The following B3GAT2 variants were observed in gnomAD, a reference collection of about 807,000 sequenced individuals.
The protein encoded by B3GAT2 is beta-1,3-glucuronyltransferase 2, also known as galactosylgalactosylxylosylprotein 3-beta-glucuronosyltransferase 2.
A neutral mutation model predicts 27.8 loss-of-function variants in B3GAT2; 26 were observed. The ratio of observed to expected loss-of-function variants is 0.93; its 90% CI spans 0.68 to 1.30. The LOEUF (loss-of-function observed/expected upper bound fraction) is 1.30, where lower values mean the gene tolerates loss of function less well. B3GAT2 is among the 50% of genes most tolerant of loss of function. The pLI, the probability that B3GAT2 is intolerant of heterozygous loss-of-function variation, is 0.00. For missense variants in B3GAT2, 458 were observed against 459.0 expected (o/e 1.00, Z 0.02); for synonymous variants, 218 against 195.1 (o/e 1.12, Z -0.98).
chr6:70,934,085 T>G (rs935969561), intron 1 of B3GAT2, among the ~76,000 whole-genome samples: 5 of 152,198 alleles, frequency 3.3e-5, no homozygotes, highest in African/African-American at 4.8e-5. Flanking sequence ...GTCAGTTCCC[T>G]TGAGGTCATG....
intron 1 of B3GAT2, among the ~76,000 whole-genome samples, chr6:70,952,304 C>T (rs1765590123): frequency 6.6e-6 from 1 of 152,026 alleles, no homozygotes; most frequent in Admixed American, 6.6e-5. Flanking sequence ...AGTCTTATTT[C>T]ATTAACTTCA....
intron 1 of B3GAT2, among the ~76,000 whole-genome samples, chr6:70,902,667 T>C (rs2460693): frequency 0.039 from 3,908 of 99,816 alleles, 95 homozygotes; most frequent in African/African-American, 0.09. Context: ...CACACACACA[T>C]ATATATATAT....
Position 70,956,416 on chromosome 6 carries a change from A to T in B3GAT2, c.14T>A (p.Leu5His). 6.4e-7 allele frequency: 1 copy of T among 1,551,536 alleles called. No individual in the cohort carries two copies. The highest frequency in any genetic ancestry group is 1.2e-5 in the South Asian group (1 of 84,100). MKSA[L>H]FTRFFILLPW... ...CAGGAGGATAAAGAAGCGGGTGAAAAGCGCGGACTTCATGGTGCACGCTCC... is the reference window on the plus strand; with the variant it reads ...CAGGAGGATAAAGAAGCGGGTGAAATGCGCGGACTTCATGGTGCACGCTCC... Residue 5 changes from leucine to histidine, a missense_variant, in exon 1 of 4, where the codon CTT becomes CAT. Physicochemically the swap from Leu to His is moderately conservative, Grantham distance 99 (BLOSUM62 -3). Transcript: ENST00000230053.
At chr6:70,915,029 A>C (rs1238792293) in intron 1 of B3GAT2, among the ~76,000 whole-genome samples, 1 of 152,214 alleles carries the variant, frequency 6.6e-6, no homozygotes. Flanking sequence ...CCAACAGTGT[A>C]AAAGTGTTCC....
chr6:70,931,882 T>A (rs1773068692), intron 1 of B3GAT2, among the ~76,000 whole-genome samples: 1 of 152,140 alleles, frequency 6.6e-6, no homozygotes, highest in South Asian at 2.1e-4. Context: ...ACATATCTGA[T>A]AAGTGACTAA....
rs56888511 is a variant in B3GAT2 at position 70,921,674 on chromosome 6, T to C, written c.592-27402A>G. On this transcript the variant is annotated intron_variant, in intron 1 of 3. Transcript: ENST00000230053. ...GGAGGTAAGAAGGCACTCTAGTTTTTTGAATTGCCAGAGTTCTTGCATTGA... is the reference window on the plus strand; with the variant it reads ...GGAGGTAAGAAGGCACTCTAGTTTTCTGAATTGCCAGAGTTCTTGCATTGA... Among the ~76,000 whole-genome samples, 197 of 152,358 alleles carry C rather than the reference T, an allele frequency of 1.3e-3. 1 individual carries two copies. The highest frequency in any genetic ancestry group is 4.5e-3 in the African/African-American group (189 of 41,582).
intron 1 of B3GAT2, among the ~76,000 whole-genome samples, chr6:70,938,389 A>G (rs1765332046): frequency 6.6e-6 from 1 of 151,314 alleles, no homozygotes; most frequent in Admixed American, 6.6e-5. Context: ...TCTTCACAGA[A>G]TTGGAAAAAA....
At chr6:70,873,396 C>A (rs1336754214) in intron 2 of B3GAT2, among the ~76,000 whole-genome samples, 2 of 143,228 alleles carry the variant, frequency 1.4e-5, no homozygotes, top group East Asian at 4.0e-4. Context: ...TGCCTTCTAG[C>A]TTCTGTGGTT....
intron 2 of B3GAT2, among the ~76,000 whole-genome samples, chr6:70,877,825 C>T (rs889887898): frequency 6.6e-6 from 1 of 152,130 alleles, no homozygotes; most frequent in African/African-American, 2.4e-5. Flanking sequence ...CATAAGCCAG[C>T]CATGACCTTT....
In B3GAT2 at chr6:70,857,517, TA is replaced by T. The variant is rs1562206455; in HGVS notation, c.*4145del. ...AATGAGCTGCATTTCACATGTGAGCTAAAATTGTTGGGCAGCCCACTACACC... is the reference window on the plus strand; with the variant it reads ...AATGAGCTGCATTTCACATGTGAGCTAAATTGTTGGGCAGCCCACTACACC... On this transcript the variant is annotated 3_prime_UTR_variant, in exon 4 of 4. Transcript: ENST00000230053. 1 of 176,744 alleles carries T rather than the reference TA, an allele frequency of 5.7e-6. No homozygotes were observed. The highest frequency in any genetic ancestry group is 1.5e-4 in the East Asian group (1 of 6,476). 10.9% of individuals were successfully genotyped at this position (176,744 alleles called of 1,614,324 possible).
rs1202343532 is a variant in B3GAT2 at position 70,861,000 on chromosome 6, A to T, written c.*663T>A. 4.6e-5 allele frequency: 14 copies of T among 302,928 alleles called. No homozygotes were observed. In the South Asian group the frequency reaches 6.5e-4, roughly 14 times the overall value. The allele number at this position is 302,928 out of a possible 1,614,324, so 18.8% of individuals were successfully genotyped here. ...TAATGTACATAGTGCTAACATGAAG[A>T]CCTTTTTCTGCACTATATGCAAACA... On this transcript the variant is annotated 3_prime_UTR_variant, in exon 4 of 4. Coordinates refer to ENST00000230053, the MANE Select transcript of B3GAT2 (RefSeq NM_080742.3).
intron 1 of B3GAT2, among the ~76,000 whole-genome samples, chr6:70,920,640 A>T (rs1334662500): frequency 6.6e-6 from 1 of 152,188 alleles, no homozygotes; most frequent in Admixed American, 6.5e-5. Context: ...ACTTTTAAGG[A>T]TAATACTTAT....
chr6:70,886,887 G>A (rs1772196804), intron 2 of B3GAT2, among the ~76,000 whole-genome samples: 4 of 152,142 alleles, frequency 2.6e-5, no homozygotes, highest in Admixed American at 6.5e-5. Flanking sequence ...GGTTCTATAA[G>A]TTGTTGGGAC....
intron 1 of B3GAT2, among the ~76,000 whole-genome samples, chr6:70,954,915 C>CGGGGGGGGGGGGG (rs111472599): frequency 8.7e-6 from 1 of 114,966 alleles, no homozygotes; most frequent in Non-Finnish European, 2.0e-5. Flanking sequence ...CCGGGGGCGG[C>CGGGGGGGGGGGGG]GGGGGGGGGC....
chr6:70,947,867 A>C (rs1427619675), intron 1 of B3GAT2, among the ~76,000 whole-genome samples: 2 of 152,192 alleles, frequency 1.3e-5, no homozygotes, highest in East Asian at 1.9e-4. Flanking sequence ...GCAGCACATC[A>C]AAACCTTACT....
chr6:70,932,107 A>T (rs1582389496), intron 1 of B3GAT2, among the ~76,000 whole-genome samples: 1 of 152,160 alleles, frequency 6.6e-6, no homozygotes, highest in African/African-American at 2.4e-5. Flanking sequence ...ACTTTACTTC[A>T]TATTTTTTTG....
chr6:70,951,383 G>GA (rs920098963), intron 1 of B3GAT2, among the ~76,000 whole-genome samples: 1 of 152,020 alleles, frequency 6.6e-6, no homozygotes, highest in Admixed American at 6.6e-5. Flanking sequence ...AGAGTAGACA[G>GA]AAAAAAGGGA....
chr6:70,956,197 T>C lies in B3GAT2; in HGVS notation c.233A>G (p.Gln78Arg). 5.6e-6 allele frequency: 9 copies of C among 1,611,920 alleles called. No homozygotes were observed. Among genetic ancestry groups the C allele is most frequent in the Non-Finnish European group, 6.8e-6 (8 of 1,178,900 alleles). ...CGTGATGGCATAGATGGTGGGCAGC[T>C]GCGGCTCCGGCTGTGGCTGCGGCCG... ...QSRPQPQPEP[Q>R]LPTIYAITPT... The change falls in exon 1 of 4, where the codon CAG becomes CGG. Residue 78 changes from glutamine to arginine, a missense_variant. Gln to Arg is a conservative substitution (Grantham distance 43). Transcript: ENST00000230053.
At chr6:70,942,027 A>G (rs1285028213) in intron 1 of B3GAT2, among the ~76,000 whole-genome samples, 1 of 152,168 alleles carries the variant, frequency 6.6e-6, no homozygotes, top group African/African-American at 2.4e-5. Context: ...ATACTTATCT[A>G]TAGTTTTCCT....
Sources: allele counts gnomAD v4.1 joint callset (sites outside exome capture counted in the v4.1 genomes callset), GRCh38; gene constraint gnomAD v4.1.1; transcripts MANE v1.5; gene names NCBI Gene and HGNC (gene_info 2026-07-23, HGNC 2026-07-21).